The following SLC39A11 variants were observed in gnomAD, a reference collection of about 807,000 sequenced individuals.
SLC39A11 encodes the protein zinc transporter ZIP11.
Under a neutral mutation model 36.1 loss-of-function variants are expected in SLC39A11, and 33 were observed. That is an observed-to-expected ratio of 0.91 (90% CI 0.69 to 1.22). SLC39A11 has a LOEUF of 1.22. Ranked by LOEUF, SLC39A11 falls within the 50% of genes most tolerant of loss-of-function variation. The pLI, the probability that SLC39A11 is intolerant of heterozygous loss-of-function variation, is 0.00. For missense variants in SLC39A11, 432 were observed against 430.3 expected, an observed-to-expected ratio of 1.00 and a Z score of -0.03; for synonymous variants, 166 against 170.3, an observed-to-expected ratio of 0.97 and a Z score of 0.20.
intron 6 of SLC39A11, among the ~76,000 whole-genome samples, chr17:72,835,952 G>A (rs200574953): frequency 2.0e-5 from 3 of 152,114 alleles, no homozygotes; most frequent in Non-Finnish European, 2.9e-5. Context: ...GCCTGTGGGC[G>A]ACCACCTGCT....
intron 5 of SLC39A11, among the ~76,000 whole-genome samples, chr17:72,893,709 T>G (rs2081881265): frequency 6.6e-6 from 1 of 152,108 alleles, no homozygotes; most frequent in African/African-American, 2.4e-5. Context: ...AAATCAAGGT[T>G]AGAATAAGTT....
chr17:72,893,470 T>A (rs141886429), intron 5 of SLC39A11, among the ~76,000 whole-genome samples: 1,765 of 151,698 alleles, frequency 0.012, 27 homozygotes, highest in African/African-American at 0.037. Flanking sequence ...GGAAAAAAAA[T>A]ATATATATAT....
chr17:72,882,103 A>C (rs546866028), intron 5 of SLC39A11, among the ~76,000 whole-genome samples: 1 of 152,336 alleles, frequency 6.6e-6, no homozygotes, highest in Non-Finnish European at 1.5e-5. Flanking sequence ...CTGTAATCCC[A>C]GCACTTTGGA....
At chr17:72,651,586 C>G (rs910423193) in intron 7 of SLC39A11, among the ~76,000 whole-genome samples, 11 of 152,080 alleles carry the variant, frequency 7.2e-5, no homozygotes, top group African/African-American at 2.7e-4. Flanking sequence ...GATGGTCCCC[C>G]TAGGGTGGGG....
intron 3 of SLC39A11, among the ~76,000 whole-genome samples, chr17:73,056,664 C>G (rs149260555): frequency 3.9e-4 from 59 of 152,248 alleles, no homozygotes; most frequent in African/African-American, 1.4e-3. Flanking sequence ...GTCAAACAAG[C>G]TGGCTTGGAT....
intron 6 of SLC39A11, among the ~76,000 whole-genome samples, chr17:72,794,850 T>A (rs188032090): frequency 6.6e-6 from 1 of 151,828 alleles, no homozygotes; most frequent in African/African-American, 2.4e-5. Context: ...ACAACACACA[T>A]TGACTATCTC....
chr17:72,780,338 T>C (rs2076267167), intron 6 of SLC39A11, among the ~76,000 whole-genome samples: 2 of 152,066 alleles, frequency 1.3e-5, no homozygotes, highest in Admixed American at 1.3e-4. Context: ...GATTTTCATG[T>C]CTCTGGGCTG....
intron 5 of SLC39A11, among the ~76,000 whole-genome samples, chr17:72,925,001 CAAAAAAAA>C (rs933053304): frequency 1.5e-5 from 1 of 68,952 alleles, no homozygotes. Flanking sequence ...GACTCCATTT[CAAAAAAAA>C]AAAAAAAAAA....
At chr17:72,925,516 C>T (rs2083995552) in intron 5 of SLC39A11, among the ~76,000 whole-genome samples, 1 of 152,178 alleles carries the variant, frequency 6.6e-6, no homozygotes, top group African/African-American at 2.4e-5. Flanking sequence ...GTCCCTTGAG[C>T]CAGCTCTTCA....
At chr17:72,974,904 A>G (rs1467923388) in intron 4 of SLC39A11, among the ~76,000 whole-genome samples, 1 of 152,182 alleles carries the variant, frequency 6.6e-6, no homozygotes, top group Non-Finnish European at 1.5e-5. Flanking sequence ...TCATTGTGTT[A>G]CAGTTGTCCA....
intron 4 of SLC39A11, among the ~76,000 whole-genome samples, chr17:73,029,461 C>G (rs2058671468): frequency 6.6e-6 from 1 of 152,064 alleles, no homozygotes; most frequent in African/African-American, 2.4e-5. Flanking sequence ...TCACACAAAA[C>G]CAGGGTGGCC....
chr17:72,719,317 G>A (rs918192121), intron 7 of SLC39A11, among the ~76,000 whole-genome samples: 4 of 152,106 alleles, frequency 2.6e-5, no homozygotes, highest in African/African-American at 9.7e-5. Flanking sequence ...CCGAGGCCCC[G>A]TGGCCACATG....
intron 5 of SLC39A11, among the ~76,000 whole-genome samples, chr17:72,881,244 C>G (rs2081185751): frequency 6.6e-6 from 1 of 152,146 alleles, no homozygotes; most frequent in Non-Finnish European, 1.5e-5. Context: ...TAGCCTCAAA[C>G]TGGAAACAGC....
At chr17:72,861,657 T>TTATAGATA (rs1555605274) in intron 5 of SLC39A11, among the ~76,000 whole-genome samples, 1 of 50,952 alleles carries the variant, frequency 2.0e-5, no homozygotes, top group Non-Finnish European at 3.3e-5. Flanking sequence ...ATACAACACA[T>TTATAGATA]TATATATATA....
Position 72,977,447 on chromosome 17 carries a change from T to C in SLC39A11, c.307-29572A>G, listed in dbSNP as rs949632220. On this transcript the variant is annotated intron_variant, in intron 4 of 9. Coordinates refer to ENST00000255559, the MANE Select transcript of SLC39A11 (RefSeq NM_139177.4). ...AAGCTGTTAGACTTATAATCATTTG[T>C]ACACAGCAAGAGAAAACTAAAATAC... 3.9e-5 allele frequency among the ~76,000 whole-genome samples: 6 copies of C among 152,084 alleles called. No individual in the cohort carries two copies. The East Asian group carries it at 9.7e-4, about 24-fold the overall frequency.
chr17:72,955,998 A>G (rs1478487128), intron 4 of SLC39A11, among the ~76,000 whole-genome samples: 2 of 152,108 alleles, frequency 1.3e-5, no homozygotes, highest in Non-Finnish European at 2.9e-5. Flanking sequence ...TACCTATCCT[A>G]TGACTCCCCA....
intron 7 of SLC39A11, among the ~76,000 whole-genome samples, chr17:72,717,297 A>G (rs1026088026): frequency 2.6e-5 from 4 of 152,146 alleles, no homozygotes; most frequent in Admixed American, 6.6e-5. Context: ...CGATGGAGGT[A>G]GGGAGACCCG....
intron 4 of SLC39A11, among the ~76,000 whole-genome samples, chr17:72,955,123 G>A (rs964209396): frequency 6.6e-6 from 1 of 152,032 alleles, no homozygotes; most frequent in Non-Finnish European, 1.5e-5. Flanking sequence ...GGACAGCAAG[G>A]CAGGTTTTCA....
In SLC39A11 at chr17:72,732,040, C is replaced by CTT. The variant is rs764728558; in HGVS notation, c.671+4608_671+4609dup. ...TTTCTTTATTTTTTTCTTTTCTTTT[C>CTT]TTTTTTTTTTTTTTTTTTTTTTTTT... is the stretch of plus-strand genomic sequence containing the variant. On this transcript the variant is annotated intron_variant, in intron 7 of 9. Transcript: ENST00000255559. Among the ~76,000 whole-genome samples, 182 of 33,674 alleles carry CTT rather than the reference C, an allele frequency of 5.4e-3. 32 individuals are homozygous for CTT. The highest frequency in any genetic ancestry group is 0.016 in the African/African-American group (138 of 8,404). The allele number at this position is 33,674 out of a possible 152,430, so 22.1% of individuals were successfully genotyped here. A position where few individuals can be genotyped will look rare whatever the true frequency, so the allele number is the denominator to read the frequency against.
Sources: gnomAD v4.1 joint callset for allele counts (sites outside exome capture counted in the v4.1 genomes callset) on GRCh38, gnomAD v4.1.1 for gene constraint, MANE v1.5 for transcripts, NCBI Gene and HGNC (gene_info 2026-07-23, HGNC 2026-07-21) for gene names.